ZNF567: variants seen among roughly 807,000 people sequenced by gnomAD.
The protein encoded by ZNF567 is zinc finger protein 567.
In ZNF567, 36 loss-of-function variants were observed where a neutral mutation model predicts 53.9. The observed-to-expected ratio is 0.67, with a 90% CI of 0.51 to 0.88. ZNF567 has a LOEUF of 0.88. ZNF567 is among the 40% of genes least tolerant of loss of function. The pLI, the probability that ZNF567 is intolerant of heterozygous loss-of-function variation, is 0.00. For missense variants in ZNF567, 619 were observed against 764.7 expected (o/e 0.81, Z 2.25); for synonymous variants, 224 against 260.4 (o/e 0.86, Z 1.35).
the ZNF567 span, chr19:36,668,960 G>C: frequency 1.3e-5 from 2 of 152,148 alleles, no homozygotes; most frequent in African/African-American, 4.8e-5. Flanking sequence ...TCTGGGAAAA[G>C]AAGTTGATGT....
In ZNF567 at chr19:36,690,453, G is replaced by A. The variant is rs960743059; in HGVS notation, c.-67+956G>A. Among the ~76,000 whole-genome samples the A allele has an allele frequency of 4.6e-5, 7 of 152,074 alleles. No individual in the cohort carries two copies. The East Asian group carries it at 5.8e-4, about 13-fold the overall frequency. ...ACAAAAATACAAAAATTAGCCAGGCGTAGTGGCACGCCCCTGTGGCTAGCT... is the reference window on the plus strand; with the variant it reads ...ACAAAAATACAAAAATTAGCCAGGCATAGTGGCACGCCCCTGTGGCTAGCT... On this transcript the variant is annotated intron_variant, in intron 2 of 5. Coordinates refer to ENST00000682579, the MANE Select transcript of ZNF567 (RefSeq NM_001322917.1).
chr19:36,717,211 A>T (rs890011308), intron 5 of ZNF567, among the ~76,000 whole-genome samples: 5 of 152,176 alleles, frequency 3.3e-5, no homozygotes, highest in African/African-American at 1.2e-4. Flanking sequence ...TGAAATATTT[A>T]TGTCAAAGTG....
chr19:36,724,285 C>T (rs1237125345), downstream of ZNF567, among the ~76,000 whole-genome samples: 1 of 151,586 alleles, frequency 6.6e-6, no homozygotes, highest in East Asian at 2.0e-4. Context: ...GGATTACAGG[C>T]GTGAGCCACC....
chr19:36,681,219 C>A, the ZNF567 span, among the ~76,000 whole-genome samples: 2 of 151,996 alleles, frequency 1.3e-5, no homozygotes, highest in Non-Finnish European at 2.9e-5. Context: ...GTAATCTCAA[C>A]CTCCTGGCCT....
At chr19:36,701,553 G>C (rs1226340847) in intron 3 of ZNF567, among the ~76,000 whole-genome samples, 1 of 152,056 alleles carries the variant, frequency 6.6e-6, no homozygotes, top group Non-Finnish European at 1.5e-5. Context: ...TTATTGTGTG[G>C]GAGTCTAAGT....
At chr19:36,676,949 A>C in the ZNF567 span, among the ~76,000 whole-genome samples, 1 of 151,720 alleles carries the variant, frequency 6.6e-6, no homozygotes. Context: ...TGAGGTCAGA[A>C]GTTCGAGACT....
chr19:36,669,217 A>C, the ZNF567 span: 1 of 152,070 alleles, frequency 6.6e-6, no homozygotes, highest in Non-Finnish European at 1.5e-5. Flanking sequence ...AGGGATGACT[A>C]TGTGAAAGTG....
At chr19:36,724,297 C>T (rs965960322), downstream of ZNF567, among the ~76,000 whole-genome samples, 2 of 151,878 alleles carry the variant, frequency 1.3e-5, no homozygotes, top group African/African-American at 4.8e-5. Context: ...TGAGCCACCG[C>T]ACCCTGCTTT....
At chr19:36,680,853 C>T in the ZNF567 span, among the ~76,000 whole-genome samples, 1 of 152,182 alleles carries the variant, frequency 6.6e-6, no homozygotes, top group African/African-American at 2.4e-5. Flanking sequence ...CTGCCAGTCT[C>T]CTTGTGTCTC....
intron 3 of ZNF567, among the ~76,000 whole-genome samples, chr19:36,710,194 T>G (rs1237587861): frequency 6.6e-6 from 1 of 152,076 alleles, no homozygotes; most frequent in Non-Finnish European, 1.5e-5. Flanking sequence ...ACTGATTCTC[T>G]ATTTCTGTGC....
chr19:36,724,004 C>CTTTTTTTT (rs536627641), downstream of ZNF567, among the ~76,000 whole-genome samples: 31 of 98,332 alleles, frequency 3.2e-4, no homozygotes, highest in Non-Finnish European at 3.7e-4. Flanking sequence ...TTCTGTATTT[C>CTTTTTTTT]TTTTTTTTTT....
chr19:36,679,518 A>T, the ZNF567 span, among the ~76,000 whole-genome samples: 1 of 152,206 alleles, frequency 6.6e-6, no homozygotes, highest in Non-Finnish European at 1.5e-5. Context: ...TATGTCAAAG[A>T]TGTCTGCACT....
At chr19:36,688,592 C>T (rs996967223) in intron 1 of ZNF567, among the ~76,000 whole-genome samples, 2 of 145,276 alleles carry the variant, frequency 1.4e-5, no homozygotes, top group African/African-American at 5.1e-5. Context: ...CCGATCACGA[C>T]GTCAGGAGAT....
chr19:36,715,974 G>C (rs1399496713), intron 5 of ZNF567, among the ~76,000 whole-genome samples: 1 of 152,034 alleles, frequency 6.6e-6, no homozygotes, highest in African/African-American at 2.4e-5. Flanking sequence ...ATTTCTCACT[G>C]ATGTCATACA....
At chr19:36,698,374 G>A (rs1475028943) in intron 3 of ZNF567, among the ~76,000 whole-genome samples, 9 of 151,702 alleles carry the variant, frequency 5.9e-5, no homozygotes, top group East Asian at 1.9e-4. Flanking sequence ...GAATAGTGCC[G>A]CAGTAAACAT....
downstream of ZNF567, among the ~76,000 whole-genome samples, chr19:36,724,326 T>C (rs1443406038): frequency 6.6e-6 from 1 of 151,232 alleles, no homozygotes; most frequent in African/African-American, 2.4e-5. Flanking sequence ...TTTTTAACAA[T>C]CATCATTCTG....
intron 3 of ZNF567, among the ~76,000 whole-genome samples, chr19:36,695,975 C>CA (rs997109287): frequency 3.9e-5 from 6 of 152,174 alleles, no homozygotes; most frequent in African/African-American, 1.2e-4. Flanking sequence ...GCAACTTGTA[C>CA]AAAAAACTGA....
the ZNF567 span, among the ~76,000 whole-genome samples, chr19:36,678,850 C>CAA: frequency 7.3e-6 from 1 of 137,574 alleles, no homozygotes. Flanking sequence ...GACTCTGTCT[C>CAA]AAAAAAAAAA....
the ZNF567 span, among the ~76,000 whole-genome samples, chr19:36,676,871 T>C: frequency 6.6e-6 from 1 of 151,952 alleles, no homozygotes; most frequent in Non-Finnish European, 1.5e-5. Flanking sequence ...AAGTAAAAGA[T>C]AGGGCCGGGC....
Sources: gnomAD v4.1 joint callset for allele counts (sites outside exome capture counted in the v4.1 genomes callset) on GRCh38, gnomAD v4.1.1 for gene constraint, MANE v1.5 for transcripts, NCBI Gene and HGNC (gene_info 2026-07-23, HGNC 2026-07-21) for gene names.